The following RGPD3 variants were observed in gnomAD, a reference collection of about 807,000 sequenced individuals.
RGPD3 encodes RANBP2 like and GRIP domain containing 3, also known as ranBP2-like and GRIP domain-containing protein 3.
Under a neutral mutation model 154.5 loss-of-function variants are expected in RGPD3, and 62 were observed. The ratio of observed to expected loss-of-function variants is 0.40; its 90% CI spans 0.33 to 0.50. The LOEUF is 0.50. Among genes scored for constraint, RGPD3 ranks in the 20% least tolerant of loss-of-function variants. RGPD3 has a pLI of 0.59. For synonymous variants in RGPD3, 308 were observed against 607.0 expected (o/e 0.51, Z 7.24); for missense variants, 919 against 1,716.8 (o/e 0.54, Z 8.21).
chr2:106,425,877 A>G, intron 19 of RGPD3, 117 bp downstream of exon 19: 4 of 950,610 alleles, frequency 4.2e-6, no homozygotes, highest in Non-Finnish European at 5.6e-6. Flanking sequence ...TAAAATATCT[A>G]CATTTTAAGG....
rs1483031210 is a variant in RGPD3, at chr2:106,424,946, T to C, written c.3021A>G (p.Gln1007=). The part of the protein sequence containing the change: ...SGAGEKLFSS[Q]YGKMANKANT... ...TTGCTTTATTGGCCATTTTACCGTA[T>C]TGTGATGAGAATAATTTTTCTCCAG... is the stretch of plus-strand genomic sequence containing the variant. The change falls in exon 20 of 23, where the codon CAA becomes CAG. Residue 1007 remains glutamine (Q), a synonymous_variant. Coordinates refer to ENST00000409886, the MANE Select transcript of RGPD3 (RefSeq NM_001144013.2). 7 of 1,611,954 alleles carry C rather than the reference T, an allele frequency of 4.3e-6. No homozygotes were observed. The highest frequency in any genetic ancestry group is 1.7e-5 in the Admixed American group (1 of 60,008).
intron 1 of RGPD3, among the ~76,000 whole-genome samples, chr2:106,464,296 G>A (rs1322758933): frequency 4.7e-5 from 7 of 147,828 alleles, no homozygotes; most frequent in East Asian, 4.0e-4. Flanking sequence ...AGCCGAGATC[G>A]CGCCACTGCA....
chr2:106,415,544 G>A (rs1173668920), intron 21 of RGPD3, among the ~76,000 whole-genome samples: 1 of 150,722 alleles, frequency 6.6e-6, no homozygotes, highest in Non-Finnish European at 1.5e-5. Flanking sequence ...AGGCATGTTG[G>A]CGGGCACCTG....
chr2:106,466,032 G>C (rs1271437340), intron 1 of RGPD3, among the ~76,000 whole-genome samples: 1 of 151,730 alleles, frequency 6.6e-6, no homozygotes, highest in Non-Finnish European at 1.5e-5. Context: ...TAAAGTAAAT[G>C]TCCAGGAGAT....
intron 15 of RGPD3, among the ~76,000 whole-genome samples, chr2:106,433,942 T>C (rs1175998947): frequency 1.3e-5 from 1 of 76,536 alleles, no homozygotes; most frequent in East Asian, 4.3e-4. Context: ...TTTGTTTTGA[T>C]TACACTGCTA....
At chr2:106,459,110 A>T (rs1287221200) in intron 2 of RGPD3, among the ~76,000 whole-genome samples, 155 bp downstream of exon 2, 1 of 146,884 alleles carries the variant, frequency 6.8e-6, no homozygotes, top group Non-Finnish European at 1.5e-5. Context: ...AATGGAATCT[A>T]GGCTGGTCCT....
upstream of RGPD3, chr2:106,468,451 T>G: frequency 7.1e-7 from 1 of 1,401,112 alleles, no homozygotes; most frequent in Non-Finnish European, 9.6e-7. Context: ...GTGTGGAACG[T>G]TGGCGACTTC....
intron 7 of RGPD3, among the ~76,000 whole-genome samples, chr2:106,446,525 G>C (rs1295661960): frequency 1.0e-5 from 1 of 99,550 alleles, no homozygotes; most frequent in Non-Finnish European, 2.0e-5. Flanking sequence ...AGCCAAGATC[G>C]TGCCACTGCA....
chr2:106,468,119 G>C, intron 1 of RGPD3, 98 bp downstream of exon 1: 1 of 1,457,318 alleles, frequency 6.9e-7, no homozygotes, highest in Non-Finnish European at 9.2e-7. Flanking sequence ...GCGCTCGTCG[G>C]GAGCCATGAC....
Position 106,436,492 on chromosome 2 carries a change from G to C in RGPD3, c.1556C>G (p.Pro519Arg). ...TTCTGTACAAAGCTGTTTACACACA[G>C]GAAGGGGCAGGCATAACGGCTGATA... ...SSYQPLCLPLPVCKQLCTERQ... is the reference protein window; with the variant it reads ...SSYQPLCLPLRVCKQLCTERQ... Residue 519 changes from proline to arginine, a missense_variant, in exon 11 of 23, where the codon CCT (proline) becomes CGT (arginine). Pro to Arg is a moderately radical substitution (Grantham distance 103, BLOSUM62 -2). Transcript: ENST00000409886. 1 of 1,611,316 alleles carries C rather than the reference G, an allele frequency of 6.2e-7. No homozygotes were observed. The highest frequency in any genetic ancestry group is 8.5e-7 in the Non-Finnish European group (1 of 1,179,378).
chr2:106,448,988 G>A (rs573154125), intron 6 of RGPD3, among the ~76,000 whole-genome samples: 2,469 of 151,012 alleles, frequency 0.016, 36 homozygotes, highest in Admixed American at 0.032. Context: ...ACCGCGCCCC[G>A]CTGAGCTGAG....
At chr2:106,448,755 A>T (rs1385661252) in intron 6 of RGPD3, among the ~76,000 whole-genome samples, 1 of 151,962 alleles carries the variant, frequency 6.6e-6, no homozygotes, top group Non-Finnish European at 1.5e-5. Flanking sequence ...CAGTGACACA[A>T]TCTTGGCTTA....
Position 106,424,880 on chromosome 2 carries a change from C to A in RGPD3, c.3087G>T (p.Lys1029Asn), listed in dbSNP as rs1677142995. The A allele has an allele frequency of 1.2e-6, 2 of 1,611,654 alleles. No homozygotes were observed. The highest frequency in any genetic ancestry group is 4.5e-5 in the East Asian group (2 of 44,820). ...GDFEKDDDAYKTEDSDDIHFE... is the reference protein window; with the variant it reads ...GDFEKDDDAYNTEDSDDIHFE... ...AATGGATGTCATCGCTGTCCTCAGT[C>A]TTATAGGCATCATCATCTTTCTCAA... Residue 1029 changes from lysine (K) to asparagine (N), a missense_variant, in exon 20 of 23, where the codon AAG (lysine) becomes AAT (asparagine). Physicochemically the swap from Lys to Asn is moderately conservative, Grantham distance 94. Coordinates refer to ENST00000409886, the MANE Select transcript of RGPD3 (RefSeq NM_001144013.2).
chr2:106,465,286 T>C (rs1260553910), intron 1 of RGPD3, among the ~76,000 whole-genome samples: 2 of 151,928 alleles, frequency 1.3e-5, no homozygotes, highest in Non-Finnish European at 2.9e-5. Flanking sequence ...CAGAATAGCT[T>C]CACATGTTCC....
At position 106,405,246 on chromosome 2, in the gene RGPD3, A is replaced by C; in HGVS notation, c.5267-17T>G. 1.3e-6 allele frequency: 2 copies of C among 1,594,296 alleles called. No individual in the cohort carries two copies. Among genetic ancestry groups the C allele is most frequent in the South Asian group, 1.1e-5 (1 of 88,062 alleles). Reference sequence around the variant, plus strand: ...ATTCCTCACCTTTGGAAAGTAAAACAAAAAAAAAGAAAAAAGAGAGTATTA... The same window carrying C: ...ATTCCTCACCTTTGGAAAGTAAAACCAAAAAAAAGAAAAAAGAGAGTATTA... On this transcript the variant is annotated splice_polypyrimidine_tract_variant and intron_variant, in intron 22 of 22. Transcript: ENST00000409886.
At chr2:106,470,875 G>T, upstream of RGPD3, 1 of 1,599,164 alleles carries the variant, frequency 6.3e-7, no homozygotes, top group Non-Finnish European at 8.5e-7. Context: ...CTGGGCCGAG[G>T]CATTGTGTTG....
intron 1 of RGPD3, among the ~76,000 whole-genome samples, chr2:106,462,905 C>A (rs1432358590): frequency 6.7e-6 from 1 of 149,920 alleles, no homozygotes; most frequent in Non-Finnish European, 1.5e-5. Context: ...CAATCTTCTT[C>A]CCCTGGAACA....
intron 6 of RGPD3, among the ~76,000 whole-genome samples, chr2:106,450,411 G>T (rs1573290478): frequency 1.3e-5 from 2 of 148,634 alleles, no homozygotes; most frequent in East Asian, 4.1e-4. Flanking sequence ...ACTGCCTAGG[G>T]TGGCACCAGC....
At chr2:106,467,691 C>A (rs1322298052) in intron 1 of RGPD3, among the ~76,000 whole-genome samples, 2 of 141,734 alleles carry the variant, frequency 1.4e-5, no homozygotes, top group South Asian at 2.2e-4. Flanking sequence ...CCTGAGCCAT[C>A]GAGGCAGCCG....
Sources: allele counts gnomAD v4.1 joint callset (sites outside exome capture counted in the v4.1 genomes callset), GRCh38; gene constraint gnomAD v4.1.1; transcripts MANE v1.5; gene names NCBI Gene and HGNC (gene_info 2026-07-23, HGNC 2026-07-21).